The following ADGRG6 variants were observed in gnomAD, a reference collection of about 807,000 sequenced individuals.
ADGRG6 encodes adhesion G protein-coupled receptor G6, also known as G-protein coupled receptor 126.
Under a neutral mutation model 142.4 loss-of-function variants are expected in ADGRG6, and 84 were observed. That is an observed-to-expected ratio of 0.59 (90% CI 0.49 to 0.71). The LOEUF is 0.71. Among genes scored for constraint, ADGRG6 ranks in the 30% least tolerant of loss-of-function variants. The pLI, the probability that ADGRG6 is intolerant of heterozygous loss-of-function variation, is 0.00. For missense variants in ADGRG6, 1,367 were observed against 1,466.6 expected (o/e 0.93, Z 1.11); for synonymous variants, 521 against 520.5 (o/e 1.00, Z -0.01).
chr6:142,396,596 A>C (rs1397464943), intron 9 of ADGRG6, among the ~76,000 whole-genome samples: 3 of 152,162 alleles, frequency 2.0e-5, no homozygotes, highest in Non-Finnish European at 4.4e-5. Context: ...CTGCCTCTCC[A>C]CTAGACATTC....
intron 22 of ADGRG6, among the ~76,000 whole-genome samples, chr6:142,431,453 A>G (rs988584893): frequency 2.0e-5 from 3 of 152,196 alleles, no homozygotes; most frequent in African/African-American, 7.2e-5. Context: ...TTAACTCTGC[A>G]TTCAGTCTTT....
intron 12 of ADGRG6, 40 bp from the exon 13 acceptor site, chr6:142,402,580 A>G (rs1174543709): frequency 1.0e-6 from 1 of 988,518 alleles, no homozygotes. Context: ...CTAAATATTC[A>G]GGTAAAACTT....
chr6:142,320,278 A>G (rs1294321942), intron 2 of ADGRG6, among the ~76,000 whole-genome samples: 1 of 152,106 alleles, frequency 6.6e-6, no homozygotes, highest in Non-Finnish European at 1.5e-5. Context: ...GCTAAAAATA[A>G]AGTATTATTT....
At position 142,416,078 on chromosome 6, in the gene ADGRG6, A is replaced by T; in HGVS notation, c.2938+14A>T. Reference sequence around the variant, plus strand: ...TCATTGGCTGGGGTAAGCCTCTTAAAATTTTTTTGGTTTTGTTTTTCCCTC... The same window carrying T: ...TCATTGGCTGGGGTAAGCCTCTTAATATTTTTTTGGTTTTGTTTTTCCCTC... On this transcript the variant is annotated intron_variant, in intron 20 of 24. Transcript: ENST00000367609. The T allele has an allele frequency of 6.3e-7, 1 of 1,582,692 alleles. No individual in the cohort carries two copies. The highest frequency in any genetic ancestry group is 8.6e-7 in the Non-Finnish European group (1 of 1,163,824).
chr6:142,371,289 A>AG (rs140230172), intron 4 of ADGRG6, among the ~76,000 whole-genome samples: 2,061 of 151,100 alleles, frequency 0.014, 56 homozygotes, highest in African/African-American at 0.047. Flanking sequence ...CAGCCTCCCA[A>AG]GTATCTGGGA....
At chr6:142,398,260 C>T (rs993448108) in intron 10 of ADGRG6, among the ~76,000 whole-genome samples, 8 of 152,084 alleles carry the variant, frequency 5.3e-5, no homozygotes, top group Admixed American at 2.0e-4. Flanking sequence ...ACTGTCTCTA[C>T]GAAAGATTAA....
At chr6:142,436,365 T>C (rs1475655614) in intron 22 of ADGRG6, among the ~76,000 whole-genome samples, 1 of 152,106 alleles carries the variant, frequency 6.6e-6, no homozygotes, top group African/African-American at 2.4e-5. Flanking sequence ...GCTGTTTGAT[T>C]GTGTTGAGTG....
intron 1 of ADGRG6, among the ~76,000 whole-genome samples, chr6:142,305,429 T>TATACACAC (rs1306810008): frequency 8.3e-6 from 1 of 120,794 alleles, no homozygotes; most frequent in Non-Finnish European, 1.7e-5. Context: ...GCCCCTCCTG[T>TATACACAC]ACACACACAC....
chr6:142,326,475 C>T (rs1471382611), intron 2 of ADGRG6, among the ~76,000 whole-genome samples: 1 of 149,786 alleles, frequency 6.7e-6, no homozygotes, highest in Non-Finnish European at 1.5e-5. Flanking sequence ...TAATTATTTA[C>T]AATATACAAT....
At position 142,390,356 on chromosome 6, in the gene ADGRG6, G is replaced by T. The variant is rs1460517833; in HGVS notation, c.1308+13G>T. On this transcript the variant is annotated intron_variant, in intron 7 of 24. Coordinates refer to ENST00000367609, the MANE Select transcript of ADGRG6 (RefSeq NM_198569.3). The stretch of plus-strand genomic sequence containing the variant: ...GGTGGCAGAATGGGTAAGTGAGCTT[G>T]TAACTTTTCTTTTTTAAAAAAATTC... 1.3e-6 allele frequency: 2 copies of T among 1,512,498 alleles called. No homozygotes were observed. The highest frequency in any genetic ancestry group is 2.8e-5 in the African/African-American group (2 of 72,040). 93.7% of individuals were successfully genotyped at this position (1,512,498 alleles called of 1,614,324 possible). A position where few individuals can be genotyped will look rare whatever the true frequency, so the allele number is the denominator to read the frequency against.
chr6:142,409,685 T>G (rs1388445070), intron 16 of ADGRG6, among the ~76,000 whole-genome samples, 189 bp from the exon 17 acceptor site: 1 of 152,064 alleles, frequency 6.6e-6, no homozygotes, highest in Admixed American at 6.6e-5. Context: ...GAGGTTAGAG[T>G]TGATTTTCGC....
At chr6:142,320,194 T>A (rs893955355) in intron 2 of ADGRG6, among the ~76,000 whole-genome samples, 1 of 152,092 alleles carries the variant, frequency 6.6e-6, no homozygotes, top group Non-Finnish European at 1.5e-5. Context: ...ACTTTACACA[T>A]GGTACCTAAA....
chr6:142,406,199 T>TTC (rs1172855126), intron 15 of ADGRG6, among the ~76,000 whole-genome samples: 1 of 151,666 alleles, frequency 6.6e-6, no homozygotes, highest in Non-Finnish European at 1.5e-5. Context: ...GGTTTTTTTT[T>TTC]TTTCTTTAAT....
At chr6:142,350,729 A>C (rs1005548013) in intron 2 of ADGRG6, among the ~76,000 whole-genome samples, 1 of 152,186 alleles carries the variant, frequency 6.6e-6, no homozygotes, top group Non-Finnish European at 1.5e-5. Flanking sequence ...AGGAGGGAGC[A>C]AGCAAATTGA....
intron 2 of ADGRG6, among the ~76,000 whole-genome samples, chr6:142,311,482 A>T (rs1022827585): frequency 1.3e-5 from 2 of 151,920 alleles, no homozygotes; most frequent in African/African-American, 2.4e-5. Context: ...GCCTTATAAG[A>T]TGACTCAGCA....
intron 18 of ADGRG6, among the ~76,000 whole-genome samples, chr6:142,413,735 G>A (rs1315776265): frequency 2.6e-5 from 4 of 152,126 alleles, no homozygotes; most frequent in Admixed American, 2.0e-4. Flanking sequence ...TTCTCCCAGT[G>A]TTTTAAGGGA....
chr6:142,437,577 G>T, intron 23 of ADGRG6, 42 bp downstream of exon 23: 7 of 920,634 alleles, frequency 7.6e-6, no homozygotes, highest in Non-Finnish European at 1.3e-5. Flanking sequence ...CAAGTAGATG[G>T]GAAAGTTTGT....
Position 142,390,331 on chromosome 6 carries a change from G to C in ADGRG6, c.1296G>C (p.Lys432Asn), listed in dbSNP as rs201905626. The C allele has an allele frequency of 1.3e-6, 2 of 1,591,962 alleles. No individual in the cohort carries two copies. The highest frequency in any genetic ancestry group is 1.7e-4 in the Middle Eastern group (1 of 6,006). ...LRHPEVKVQS[K>N]VAEWLNSTFQ... The stretch of plus-strand genomic sequence containing the variant: ...ACCCTGAGGTAAAAGTACAGAGCAA[G>C]GTGGCAGAATGGGTAAGTGAGCTTG... The change falls in exon 7 of 25, where the codon AAG becomes AAC. Residue 432 changes from lysine to asparagine, a missense_variant. Lys to Asn is a moderately conservative substitution (Grantham distance 94). Transcript: ENST00000367609.
At chr6:142,431,451 G>A (rs1204327120) in intron 22 of ADGRG6, among the ~76,000 whole-genome samples, 1 of 152,104 alleles carries the variant, frequency 6.6e-6, no homozygotes, top group Non-Finnish European at 1.5e-5. Flanking sequence ...CTTTAACTCT[G>A]CATTCAGTCT....
Sources: gnomAD v4.1 joint callset for allele counts (sites outside exome capture counted in the v4.1 genomes callset) on GRCh38, gnomAD v4.1.1 for gene constraint, MANE v1.5 for transcripts, NCBI Gene and HGNC (gene_info 2026-07-23, HGNC 2026-07-21) for gene names.